The following RNF135 variants were observed in gnomAD, a reference collection of about 807,000 sequenced individuals.
The protein encoded by RNF135 is E3 ubiquitin-protein ligase RNF135.
RNF135 carries 46 observed loss-of-function variants against 41.9 expected under a neutral mutation model. The observed-to-expected ratio is 1.10, with a 90% confidence interval of 0.87 to 1.40. The LOEUF is 1.40. RNF135 is among the 40% of genes most tolerant of loss of function. The probability of loss-of-function intolerance (pLI) is 0.00; values close to 1 mark genes in which losing one functional copy is unlikely to be tolerated. For missense variants in RNF135, 539 were observed against 549.8 expected (o/e 0.98, Z 0.20); for synonymous variants, 238 against 223.8 (o/e 1.06, Z -0.57).
At chr17:30,985,910 C>T (rs1469921693) in intron 2 of RNF135, among the ~76,000 whole-genome samples, 8 of 152,156 alleles carry the variant, frequency 5.3e-5, no homozygotes, top group African/African-American at 1.4e-4. Flanking sequence ...GTGTGTCTCA[C>T]GTCTTCCCAC....
chr17:30,971,041 C>T lies in RNF135; in HGVS notation c.-33C>T. ...GCCTGAGGAGACTCGCCCGGCTCAA[C>T]CCCGACGTCCGCGCCCCGGCCGCCT... is the stretch of plus-strand genomic sequence containing the variant. On this transcript the variant is annotated 5_prime_UTR_variant, in exon 1 of 5. Transcript: ENST00000328381. 2 of 1,533,496 alleles carry T rather than the reference C, an allele frequency of 1.3e-6. No homozygotes were observed. The highest frequency in any genetic ancestry group is 1.7e-6 in the Non-Finnish European group (2 of 1,145,772). The allele number at this position is 1,533,496 out of a possible 1,614,324, so 95.0% of individuals were successfully genotyped here.
chr17:30,979,937 G>C (rs1468500383), intron 1 of RNF135, among the ~76,000 whole-genome samples: 1 of 106,584 alleles, frequency 9.4e-6, no homozygotes. Flanking sequence ...GGGCGGCCGG[G>C]CAGAGGCGCC....
At chr17:30,968,688 C>G (rs1314496615), upstream of RNF135, 1 of 152,242 alleles carries the variant, frequency 6.6e-6, no homozygotes, top group South Asian at 2.1e-4. Flanking sequence ...GCGCCCGGCC[C>G]CCACTTCCCC....
the RNF135 span, among the ~76,000 whole-genome samples, chr17:30,962,545 A>C: frequency 6.6e-6 from 1 of 151,982 alleles, no homozygotes; most frequent in Non-Finnish European, 1.5e-5. Context: ...GGCTCACTGC[A>C]AGCTCCGCCT....
chr17:30,970,289 G>A (rs1029952426), upstream of RNF135: 11 of 151,950 alleles, frequency 7.2e-5, no homozygotes, highest in African/African-American at 2.4e-4. Context: ...ACTGGGATGC[G>A]AAGTGAGTGA....
chr17:30,977,690 TC>T (rs1437908222), intron 1 of RNF135, among the ~76,000 whole-genome samples: 1 of 152,088 alleles, frequency 6.6e-6, no homozygotes, highest in Non-Finnish European at 1.5e-5. Flanking sequence ...TGCCGCAGCC[TC>T]TGGAGTAGCT....
At chr17:30,961,351 C>G in the RNF135 span, among the ~76,000 whole-genome samples, 3 of 152,214 alleles carry the variant, frequency 2.0e-5, no homozygotes, top group Non-Finnish European at 4.4e-5. Flanking sequence ...TCAGCATTCA[C>G]AATGCAACTG....
intron 2 of RNF135, among the ~76,000 whole-genome samples, chr17:30,986,161 C>T (rs1257464814): frequency 2.0e-5 from 3 of 151,974 alleles, no homozygotes; most frequent in Non-Finnish European, 2.9e-5. Flanking sequence ...TGTCTGCCCC[C>T]CTCCCTTTTC....
At chr17:30,995,525 G>A (rs1224757061) in intron 3 of RNF135, among the ~76,000 whole-genome samples, 1 of 152,082 alleles carries the variant, frequency 6.6e-6, no homozygotes, top group Non-Finnish European at 1.5e-5. Context: ...GGGCCACCAT[G>A]CCTGGTTTCA....
intron 3 of RNF135, among the ~76,000 whole-genome samples, chr17:30,991,035 T>A (rs1345533591): frequency 6.6e-6 from 1 of 152,232 alleles, no homozygotes; most frequent in Non-Finnish European, 1.5e-5. Context: ...GGTTGCTGGG[T>A]CATAGGGTAA....
chr17:30,982,771 T>G (rs1278661725), intron 1 of RNF135, among the ~76,000 whole-genome samples: 1 of 152,224 alleles, frequency 6.6e-6, no homozygotes, highest in Non-Finnish European at 1.5e-5. Flanking sequence ...TTTGGTGATA[T>G]GAAATACATT....
At chr17:30,988,186 C>G in intron 3 of RNF135, 80 bp downstream of exon 3, 1 of 1,367,152 alleles carries the variant, frequency 7.3e-7, no homozygotes, top group Non-Finnish European at 1.0e-6. Flanking sequence ...GCTTTGTTCT[C>G]TGGGGATAGG....
chr17:30,971,137 A>G lies in RNF135; in HGVS notation c.64A>G (p.Ile22Val), dbSNP rs781235231. 8 of 1,534,056 alleles carry G rather than the reference A, an allele frequency of 5.2e-6. 1 individual carries two copies. In the South Asian group the frequency reaches 8.3e-5, roughly 16 times the overall value. The change falls in exon 1 of 5, where the codon ATC becomes GTC. Residue 22 changes from isoleucine (I) to valine (V), a missense_variant. By Grantham distance (29) the Ile-to-Val change is conservative (BLOSUM62 3). Coordinates refer to ENST00000328381, the MANE Select transcript of RNF135 (RefSeq NM_032322.4). ...VWLAEDDLGC[I>V]ICQGLLDWPA... is the part of the protein sequence containing the mutation. ...GCTGGCCGAGGACGACCTCGGCTGC[A>G]TCATCTGCCAGGGGCTGCTGGACTG...
chr17:30,971,259 C>T lies in RNF135; in HGVS notation c.186C>T (p.Cys62=). ...RDARRWACPT[C]RQGAAQQPHL... is the part of the protein sequence containing the mutation. ...CCCGCCGCTGGGCCTGCCCCACTTGCCGCCAGGGCGCCGCGCAGCAGCCGC... is the reference window on the plus strand; with the variant it reads ...CCCGCCGCTGGGCCTGCCCCACTTGTCGCCAGGGCGCCGCGCAGCAGCCGC... The change falls in exon 1 of 5, where the codon TGC becomes TGT. Residue 62 remains cysteine, a synonymous_variant. Coordinates refer to ENST00000328381, the MANE Select transcript of RNF135 (RefSeq NM_032322.4). 6.6e-7 allele frequency: 1 copy of T among 1,523,028 alleles called. No homozygotes were observed. The highest frequency in any genetic ancestry group is 2.6e-5 in the East Asian group (1 of 38,778). The allele number at this position is 1,523,028 out of a possible 1,614,324, so 94.3% of individuals were successfully genotyped here.
rs1905874100 is a variant in RNF135, at chr17:30,971,157, G to T, written c.84G>T (p.Leu28=). 3.3e-6 allele frequency: 5 copies of T among 1,532,604 alleles called. 1 individual carries two copies. In the Middle Eastern group the frequency reaches 7.1e-4, roughly 219 times the overall value. 94.9% of individuals were successfully genotyped at this position (1,532,604 alleles called of 1,614,324 possible). ...DLGCIICQGL[L]DWPATLPCGH... is the part of the protein sequence containing the mutation. ...GCTGCATCATCTGCCAGGGGCTGCT[G>T]GACTGGCCCGCCACGCTGCCCTGCG... The change falls in exon 1 of 5, where the codon CTG becomes CTT. Residue 28 remains leucine, a synonymous_variant. Transcript: ENST00000328381.
At chr17:30,983,353 A>ATATATATTTTTTTT (rs1420453160) in intron 1 of RNF135, among the ~76,000 whole-genome samples, 3 of 35,734 alleles carry the variant, frequency 8.4e-5, no homozygotes, top group African/African-American at 2.7e-4. Flanking sequence ...ATATATATAT[A>ATATATATTTTTTTT]TTTTTTTTTT....
upstream of RNF135, among the ~76,000 whole-genome samples, chr17:30,969,948 T>C (rs1203797895): frequency 6.6e-6 from 1 of 151,888 alleles, no homozygotes; most frequent in Non-Finnish European, 1.5e-5. Context: ...CTTTTCTTTT[T>C]GTATTTTCAG....
Position 30,978,288 on chromosome 17 carries a change from A to G in RNF135, c.373-6329A>G, listed in dbSNP as rs142092128. On this transcript the variant is annotated intron_variant, in intron 1 of 4. Coordinates refer to ENST00000328381, the MANE Select transcript of RNF135 (RefSeq NM_032322.4). ...ATTGATGTCTTTCTGTAGATTTGGG[A>G]AGTTCCATGCTATTATTTCTTTGAA... Among the ~76,000 whole-genome samples, 840 of 152,230 alleles carry G rather than the reference A, an allele frequency of 5.5e-3. 10 individuals are homozygous for G. Among genetic ancestry groups the G allele is most frequent in the African/African-American group, 0.019 (797 of 41,532 alleles).
At chr17:30,970,960 G>A, upstream of RNF135, 3 of 1,445,658 alleles carry the variant, frequency 2.1e-6, no homozygotes, top group Non-Finnish European at 1.9e-6. Context: ...GGAAGGAGGA[G>A]AAAAGGCGGC....
Sources: allele counts gnomAD v4.1 joint callset (sites outside exome capture counted in the v4.1 genomes callset), GRCh38; gene constraint gnomAD v4.1.1; transcripts MANE v1.5; gene names NCBI Gene and HGNC (gene_info 2026-07-23, HGNC 2026-07-21).